TGM5: variants seen among roughly 807,000 people sequenced by gnomAD.
TGM5 encodes the protein transglutaminase 5, also known as protein-glutamine gamma-glutamyltransferase 5.
TGM5 carries 69 observed loss-of-function variants against 77.2 expected under a neutral mutation model. The ratio of observed to expected loss-of-function variants is 0.89; its 90% CI spans 0.74 to 1.09. The LOEUF (loss-of-function observed/expected upper bound fraction) is 1.09, where lower values mean the gene tolerates loss of function less well. TGM5 is among the 50% of genes least tolerant of loss of function. The pLI is 0.00. For missense variants in TGM5, 842 were observed against 896.5 expected, an observed-to-expected ratio of 0.94 and a Z score of 0.78; for synonymous variants, 346 against 351.8, an observed-to-expected ratio of 0.98 and a Z score of 0.18.
intron 4 of TGM5, among the ~76,000 whole-genome samples, chr15:43,255,732 G>A (rs926039227): frequency 2.0e-5 from 3 of 152,066 alleles, no homozygotes; most frequent in African/African-American, 7.2e-5. Context: ...TTGGCACTGG[G>A]GCTCAGCATC....
intron 1 of TGM5, among the ~76,000 whole-genome samples, chr15:43,264,818 A>C (rs555723965): frequency 6.6e-6 from 1 of 152,232 alleles, no homozygotes; most frequent in African/African-American, 2.4e-5. Flanking sequence ...AACCAAATTG[A>C]CTGTGCCAAA....
At chr15:43,241,177 G>T in intron 6 of TGM5, 187 bp from the exon 7 acceptor site, 2 of 757,992 alleles carry the variant, frequency 2.6e-6, no homozygotes, top group Admixed American at 2.2e-5. Flanking sequence ...TCATGGGAGA[G>T]ATTCTAGGCA....
At chr15:43,266,190 A>G (rs1212208801) in intron 1 of TGM5, among the ~76,000 whole-genome samples, 1 of 152,246 alleles carries the variant, frequency 6.6e-6, no homozygotes, top group Admixed American at 6.5e-5. Flanking sequence ...TGAAAATTTT[A>G]AAACAAAAAT....
intron 4 of TGM5, among the ~76,000 whole-genome samples, chr15:43,254,362 A>C (rs1018092754): frequency 6.6e-6 from 1 of 152,230 alleles, no homozygotes; most frequent in African/African-American, 2.4e-5. Flanking sequence ...TAGGCCTGGC[A>C]TGGTGCCCAG....
intron 6 of TGM5, among the ~76,000 whole-genome samples, chr15:43,243,884 G>C (rs902553229): frequency 6.6e-6 from 1 of 152,178 alleles, no homozygotes; most frequent in African/African-American, 2.4e-5. Context: ...ATCTACCTTA[G>C]TCTTCTTCAT....
At chr15:43,236,332 A>G (rs2042590050) in intron 9 of TGM5, among the ~76,000 whole-genome samples, 3 of 152,242 alleles carry the variant, frequency 2.0e-5, no homozygotes, top group African/African-American at 7.2e-5. Context: ...TTGGTCAGGC[A>G]TAGACTAATT....
chr15:43,235,838 C>T lies in TGM5; in HGVS notation c.1346-1G>A. Reference sequence around the variant, plus strand: ...AACACCTGCCTCTCCTGGAGGGATCCTGAAGTTGGGGAGAGCACAGCACCA... The same window carrying T: ...AACACCTGCCTCTCCTGGAGGGATCTTGAAGTTGGGGAGAGCACAGCACCA... On this transcript the variant is annotated splice_acceptor_variant, in intron 9 of 12. Transcript: ENST00000220420. LOFTEE classifies it high-confidence loss of function. The T allele has an allele frequency of 6.2e-7, 1 of 1,613,592 alleles. No individual in the cohort carries two copies. Among genetic ancestry groups the T allele is most frequent in the East Asian group, 2.2e-5 (1 of 44,884 alleles).
chr15:43,256,643 A>G lies in TGM5; in HGVS notation c.480T>C (p.Tyr160=). 1 of 1,614,076 alleles carries G rather than the reference A, an allele frequency of 6.2e-7. No homozygotes were observed. The highest frequency in any genetic ancestry group is 8.5e-7 in the Non-Finnish European group (1 of 1,179,992). Residue 160 remains tyrosine (Y), a synonymous_variant, in exon 4 of 13, where the codon TAT becomes TAC. Coordinates refer to ENST00000220420, the MANE Select transcript of TGM5 (RefSeq NM_201631.4). The stretch of plus-strand genomic sequence containing the variant: ...AGATGAAGCCATAATCATTCATGAC[A>G]TACTCCTGCCTCTGGGGTTCACTGT... ...YLDSEPQRQE[Y]VMNDYGFIYQ...
At position 43,253,635 on chromosome 15, in the gene TGM5, C is replaced by T; in HGVS notation, c.556-1G>A. 6.2e-7 allele frequency: 1 copy of T among 1,612,724 alleles called. No homozygotes were observed. The highest frequency in any genetic ancestry group is 8.5e-7 in the Non-Finnish European group (1 of 1,180,012). ...AGATGTCTATGATTTTGTCTTCAAA[C>T]TTCGGGGGGAGAGGCAGAGAGGGAA... On this transcript the variant is annotated splice_acceptor_variant, in intron 4 of 12. Transcript: ENST00000220420. LOFTEE classifies it high-confidence loss of function.
At chr15:43,262,485 A>C (rs556167649) in intron 1 of TGM5, among the ~76,000 whole-genome samples, 9 of 152,322 alleles carry the variant, frequency 5.9e-5, no homozygotes, top group Admixed American at 5.9e-4. Context: ...TCAACAAACT[A>C]AGAATAGAAG....
At chr15:43,266,341 A>T (rs1372230319) in intron 1 of TGM5, among the ~76,000 whole-genome samples, 3 of 152,196 alleles carry the variant, frequency 2.0e-5, no homozygotes, top group Admixed American at 2.0e-4. Flanking sequence ...ATATAGAGAG[A>T]AGGTTGGTGA....
chr15:43,234,667 G>T, intron 11 of TGM5, 102 bp downstream of exon 11: 1 of 1,434,328 alleles, frequency 7.0e-7, no homozygotes, highest in Non-Finnish European at 9.8e-7. Context: ...GGAAGGAGGG[G>T]ATGCTCTCCT....
rs144589016 is a variant in TGM5, at chr15:43,244,164, C to T, written c.863-3174G>A. On this transcript the variant is annotated intron_variant, in intron 6 of 12. Transcript: ENST00000220420. The stretch of plus-strand genomic sequence containing the variant: ...TCTCATGCTCTCACATAACCCTGAT[C>T]GCCTGTGTCACACATTTCAGCACTG... Among the ~76,000 whole-genome samples, 53 of 152,332 alleles carry T rather than the reference C, an allele frequency of 3.5e-4. No individual in the cohort carries two copies. The East Asian group carries it at 8.5e-3, about 24-fold the overall frequency.
chr15:43,260,883 G>C (rs1006423502), intron 1 of TGM5, among the ~76,000 whole-genome samples: 7 of 151,844 alleles, frequency 4.6e-5, no homozygotes, highest in African/African-American at 1.7e-4. Flanking sequence ...TCCTTCTGTA[G>C]ACCTGGCCAA....
chr15:43,242,554 T>G (rs1466408964), intron 6 of TGM5, among the ~76,000 whole-genome samples: 1 of 152,214 alleles, frequency 6.6e-6, no homozygotes, highest in Non-Finnish European at 1.5e-5. Context: ...TCTTAAAAGT[T>G]TATAATTTTT....
chr15:43,237,331 GC>G (rs2042597572), intron 9 of TGM5, among the ~76,000 whole-genome samples: 1 of 152,152 alleles, frequency 6.6e-6, no homozygotes, highest in Admixed American at 6.5e-5. Context: ...GGCCAGAAGT[GC>G]TAAAGAATTT....
intron 1 of TGM5, among the ~76,000 whole-genome samples, chr15:43,265,939 C>T (rs2042820959): frequency 6.6e-6 from 1 of 152,050 alleles, no homozygotes; most frequent in South Asian, 2.1e-4. Context: ...TAGAAATATA[C>T]ATACAATATG....
chr15:43,250,748 T>G (rs1397573422), intron 6 of TGM5, among the ~76,000 whole-genome samples: 1 of 152,084 alleles, frequency 6.6e-6, no homozygotes, highest in Non-Finnish European at 1.5e-5. Flanking sequence ...AGTATTGCTG[T>G]GAAGGGATGA....
Position 43,240,718 on chromosome 15 carries a change from G to A in TGM5, c.1001+134C>T, listed in dbSNP as rs568467926. 6.4e-4 allele frequency: 700 copies of A among 1,098,604 alleles called. 2 individuals are homozygous for A. Among genetic ancestry groups the A allele is most frequent in the South Asian group, 1.2e-3 (85 of 72,870 alleles). 68.1% of individuals were successfully genotyped at this position (1,098,604 alleles called of 1,614,324 possible). A position where few individuals can be genotyped will look rare whatever the true frequency, so the allele number is the denominator to read the frequency against. On this transcript the variant is annotated intron_variant, in intron 7 of 12. Transcript: ENST00000220420. ...GGGACAGCCTTGGTGGGGGGTGGGT[G>A]GGGGAGGGTGAGGGGGTGTGGAGGA...
Sources: gnomAD v4.1 joint callset for allele counts (sites outside exome capture counted in the v4.1 genomes callset) on GRCh38, gnomAD v4.1.1 for gene constraint, MANE v1.5 for transcripts, NCBI Gene and HGNC (gene_info 2026-07-23, HGNC 2026-07-21) for gene names.